Variants in URB1 observed in about 807,000 individuals in gnomAD.
URB1 encodes the protein URB1 ribosome biogenesis factor.
In URB1, 197 loss-of-function variants were observed where a neutral mutation model predicts 242.3. The observed-to-expected ratio is 0.81, with a 90% CI of 0.72 to 0.91. URB1 has a LOEUF of 0.91. Among genes scored for constraint, URB1 ranks in the 40% least tolerant of loss-of-function variants. URB1 has a pLI of 0.00. For missense variants in URB1, 2,721 were observed against 2,860.5 expected (o/e 0.95, Z 1.11); for synonymous variants, 1,153 against 1,201.8 (o/e 0.96, Z 0.84).
chr21:32,388,249 G>A (rs973443179), intron 1 of URB1, among the ~76,000 whole-genome samples: 3 of 152,152 alleles, frequency 2.0e-5, no homozygotes, highest in Admixed American at 2.0e-4. Context: ...CCTGTATAAC[G>A]GAACAAGAAC....
At chr21:32,375,792 A>T (rs748586023) in intron 5 of URB1, among the ~76,000 whole-genome samples, 15 of 152,172 alleles carry the variant, frequency 9.9e-5, no homozygotes, top group South Asian at 4.2e-4. Flanking sequence ...AAAAAAATTT[A>T]AAAATTAGCT....
intron 31 of URB1, among the ~76,000 whole-genome samples, chr21:32,324,936 T>G (rs1274834636): frequency 6.6e-6 from 1 of 152,186 alleles, no homozygotes; most frequent in Non-Finnish European, 1.5e-5. Flanking sequence ...CCTTAACCAC[T>G]GAGTTTAGAC....
intron 21 of URB1, 150 bp from the exon 22 acceptor site, chr21:32,347,961 A>G (rs2033112928): frequency 1.5e-6 from 2 of 1,322,458 alleles, no homozygotes; most frequent in Non-Finnish European, 1.0e-6. Context: ...CTACATTTCC[A>G]TGCCCCCCTC....
chr21:32,384,164 G>A (rs1455020002), intron 3 of URB1, 149 bp downstream of exon 3: 2 of 997,320 alleles, frequency 2.0e-6, no homozygotes, highest in Non-Finnish European at 2.9e-6. Flanking sequence ...GTCCACAAAG[G>A]AAGGGGGCAG....
chr21:32,329,176 G>A (rs1278176785), intron 30 of URB1, among the ~76,000 whole-genome samples: 1 of 152,144 alleles, frequency 6.6e-6, no homozygotes, highest in Non-Finnish European at 1.5e-5. Context: ...GCTGAGGCAG[G>A]AGGACGGCTT....
intron 18 of URB1, among the ~76,000 whole-genome samples, chr21:32,353,125 G>A (rs1263862661): frequency 6.6e-6 from 1 of 152,130 alleles, no homozygotes; most frequent in African/African-American, 2.4e-5. Context: ...CCACTCCCGA[G>A]GCCCAGGAGT....
rs555634255 is a variant in URB1, at chr21:32,354,865, T to C, written c.2239A>G (p.Ile747Val). 27 of 1,552,338 alleles carry C rather than the reference T, an allele frequency of 1.7e-5. No homozygotes were observed. In the African/African-American group the frequency reaches 3.7e-4, roughly 21 times the overall value. The change falls in exon 17 of 39, where the codon ATT becomes GTT. Residue 747 changes from isoleucine to valine, a missense_variant. By Grantham distance (29) the Ile-to-Val change is conservative. Transcript: ENST00000382751. ...AGAACAGAATGGAACATACCGTCAA[T>C]GTGGGAGATGGGAATGCTCATGTCA... ...ADDMSIPISH[I>V]DDVLDMVDVL...
At chr21:32,377,162 AG>A (rs769464861) in intron 5 of URB1, 1 of 516,620 alleles carries the variant, frequency 1.9e-6, no homozygotes, top group Admixed American at 2.0e-5. Flanking sequence ...GTATCTTAAA[AG>A]TTTTTTTATC....
In URB1 at chr21:32,311,507, A is replaced by T; in HGVS notation, c.*3411T>A. 1 of 712,888 alleles carries T rather than the reference A, an allele frequency of 1.4e-6. No individual in the cohort carries two copies. 44.2% of individuals were successfully genotyped at this position (712,888 alleles called of 1,614,324 possible). A position where few individuals can be genotyped will look rare whatever the true frequency, so the allele number is the denominator to read the frequency against. ...GACAAAGCACTTCCTCTCCTCTGAGATTTCTCTAGAATGGCCACCTTTGTG... is the reference window on the plus strand; with the variant it reads ...GACAAAGCACTTCCTCTCCTCTGAGTTTTCTCTAGAATGGCCACCTTTGTG... On this transcript the variant is annotated 3_prime_UTR_variant, in exon 39 of 39. Coordinates refer to ENST00000382751, the MANE Select transcript of URB1 (RefSeq NM_014825.3).
At chr21:32,351,436 C>G (rs977351644) in intron 19 of URB1, among the ~76,000 whole-genome samples, 2 of 152,204 alleles carry the variant, frequency 1.3e-5, no homozygotes, top group Middle Eastern at 3.2e-3. Context: ...AACATTACTA[C>G]CAAGCTGCCT....
rs1461674417 is a variant in URB1, at chr21:32,337,393, C to T, written c.4621+11G>A. 2.0e-5 allele frequency: 31 copies of T among 1,549,564 alleles called. No individual in the cohort carries two copies. Among genetic ancestry groups the T allele is most frequent in the Non-Finnish European group, 2.7e-5 (31 of 1,145,762 alleles). ...CCCCCTGCTCACACTACCCAGCCCT[C>T]ACACCCTCACCTAGGACGCTGAGAG... On this transcript the variant is annotated intron_variant, in intron 27 of 38. Coordinates refer to ENST00000382751, the MANE Select transcript of URB1 (RefSeq NM_014825.3).
chr21:32,357,461 G>C (rs959592976), intron 15 of URB1, 76 bp downstream of exon 15: 3 of 1,303,330 alleles, frequency 2.3e-6, no homozygotes, highest in Non-Finnish European at 2.9e-6. Context: ...TTCAATAACT[G>C]TTAACTAAAC....
At chr21:32,382,100 C>G (rs4816432) in intron 4 of URB1, among the ~76,000 whole-genome samples, 72,337 of 151,994 alleles carry the variant, frequency 0.48, 21,424 homozygotes, top group African/African-American at 0.84. Context: ...TGCAGCCGGG[C>G]TTCAGGACGG....
At position 32,383,465 on chromosome 21, in the gene URB1, T is replaced by C; in HGVS notation, c.524A>G (p.Asn175Ser). 2 of 1,551,630 alleles carry C rather than the reference T, an allele frequency of 1.3e-6. No individual in the cohort carries two copies. The highest frequency in any genetic ancestry group is 1.7e-6 in the Non-Finnish European group (2 of 1,146,926). ...CACCAGGGTGTACAGGGTCTTTTTA[T>C]TCAAATCAAAATGGCTGCAGACGTC... is the stretch of plus-strand genomic sequence containing the variant. ...ARDVCSHFDL[N>S]KKTLYTLVTK... Residue 175 changes from asparagine (N) to serine (S), a missense_variant, in exon 4 of 39, where the codon AAT (asparagine) becomes AGT (serine). Asn to Ser is a conservative substitution (Grantham distance 46). Transcript: ENST00000382751.
chr21:32,385,755 A>C (rs2146056405), intron 1 of URB1, 71 bp from the exon 2 acceptor site: 1 of 1,528,578 alleles, frequency 6.5e-7, no homozygotes, highest in East Asian at 2.5e-5. Context: ...CACCACTGCA[A>C]CCTGCTTTCC....
intron 32 of URB1, 95 bp from the exon 33 acceptor site, chr21:32,322,679 A>G (rs2032781969): frequency 2.3e-6 from 2 of 870,892 alleles, no homozygotes; most frequent in Non-Finnish European, 3.7e-6. Context: ...GGTATCAGAC[A>G]TAAATCCCCT....
At chr21:32,359,687 TC>T in intron 14 of URB1, 108 bp downstream of exon 14, 1 of 947,406 alleles carries the variant, frequency 1.1e-6, no homozygotes, top group Non-Finnish European at 1.5e-6. Flanking sequence ...GTTAACCTCT[TC>T]CGTCTTGCCC....
At position 32,354,070 on chromosome 21, in the gene URB1, C is replaced by T. The variant is rs1032089048; in HGVS notation, c.2279G>A (p.Gly760Asp). 6.4e-7 allele frequency: 1 copy of T among 1,551,676 alleles called. No homozygotes were observed. Among genetic ancestry groups the T allele is most frequent in the Admixed American group, 2.0e-5 (1 of 51,004 alleles). The change falls in exon 18 of 39, where the codon GGC becomes GAC. Residue 760 changes from glycine to aspartate, a missense_variant. By Grantham distance (94) the Gly-to-Asp change is moderately conservative. Coordinates refer to ENST00000382751, the MANE Select transcript of URB1 (RefSeq NM_014825.3). ...TATTTCCTCATCCAAGCCTTCACTGCCCTCCACCAGGACATCCACCATGTC... is the reference window on the plus strand; with the variant it reads ...TATTTCCTCATCCAAGCCTTCACTGTCCTCCACCAGGACATCCACCATGTC... The part of the protein sequence containing the change: ...VLDMVDVLVE[G>D]SEGLDEEIGF...
At chr21:32,338,012 T>C (rs1018605552) in intron 26 of URB1, among the ~76,000 whole-genome samples, 2 of 152,234 alleles carry the variant, frequency 1.3e-5, no homozygotes, top group Non-Finnish European at 2.9e-5. Context: ...CTGAATTGAA[T>C]GGTGGAGCCC....
Sources: gnomAD v4.1 joint callset for allele counts (sites outside exome capture counted in the v4.1 genomes callset) on GRCh38, gnomAD v4.1.1 for gene constraint, MANE v1.5 for transcripts, NCBI Gene and HGNC (gene_info 2026-07-23, HGNC 2026-07-21) for gene names.